The following PCDH7 variants were observed in gnomAD, a reference collection of about 807,000 sequenced individuals.
PCDH7 encodes the protein protocadherin 7, also known as protocadherin-7.
Under a neutral mutation model 58.9 loss-of-function variants are expected in PCDH7, and 17 were observed. The observed-to-expected ratio is 0.29, with a 90% CI of 0.20 to 0.43. PCDH7 has a LOEUF of 0.43. Among genes scored for constraint, PCDH7 ranks in the 20% least tolerant of loss-of-function variants. The pLI is 1.00. For synonymous variants in PCDH7, 664 were observed against 616.4 expected (o/e 1.08, Z -1.14); for missense variants, 1,274 against 1,441.0 (o/e 0.88, Z 1.88).
chr4:30,913,028 A>T (rs1327762049), intron 1 of PCDH7, among the ~76,000 whole-genome samples: 1 of 150,854 alleles, frequency 6.6e-6, no homozygotes, highest in African/African-American at 2.4e-5. Context: ...TTATATATAT[A>T]TTTGTTAATA....
At chr4:30,857,713 A>T (rs769665855) in intron 1 of PCDH7, among the ~76,000 whole-genome samples, 1 of 152,106 alleles carries the variant, frequency 6.6e-6, no homozygotes, top group Non-Finnish European at 1.5e-5. Context: ...CCTCTACCTC[A>T]TACTGACCTT....
intron 2 of PCDH7, among the ~76,000 whole-genome samples, chr4:30,923,951 A>G (rs1399113246): frequency 6.6e-6 from 1 of 152,198 alleles, no homozygotes; most frequent in Non-Finnish European, 1.5e-5. Context: ...ATTGATGCAT[A>G]TTGCAATGGA....
At chr4:30,968,132 T>C (rs1749154800) in intron 3 of PCDH7, among the ~76,000 whole-genome samples, 1 of 151,700 alleles carries the variant, frequency 6.6e-6, no homozygotes, top group African/African-American at 2.4e-5. Flanking sequence ...CTGTTACTCC[T>C]TGACTTTATT....
At chr4:30,888,508 T>C (rs1274037727) in intron 1 of PCDH7, among the ~76,000 whole-genome samples, 1 of 152,224 alleles carries the variant, frequency 6.6e-6, no homozygotes, top group East Asian at 1.9e-4. Flanking sequence ...TTTTATCATG[T>C]ATGGAACTTA....
intron 3 of PCDH7, among the ~76,000 whole-genome samples, chr4:31,007,817 G>A (rs1051745798): frequency 6.6e-6 from 1 of 152,068 alleles, no homozygotes; most frequent in Non-Finnish European, 1.5e-5. Flanking sequence ...TTTAGTATAT[G>A]ACCTCAGGAT....
Position 30,723,145 on chromosome 4 carries a change from G to T in PCDH7, c.1723G>T (p.Asp575Tyr). 1 of 1,614,096 alleles carries T rather than the reference G, an allele frequency of 6.2e-7. No homozygotes were observed. The highest frequency in any genetic ancestry group is 8.5e-7 in the Non-Finnish European group (1 of 1,180,038). Residue 575 changes from aspartate to tyrosine, a missense_variant, in exon 1 of 2, where the codon GAC becomes TAC. By Grantham distance (160) the Asp-to-Tyr change is radical (BLOSUM62 -3). Around this residue, in one of 3 missense-constraint regions of PCDH7, gnomAD observed 731 missense variants for 881.9 expected, o/e 0.83. Transcript: ENST00000361762. This position sits in a 1 kb window ranked among gnomAD's most constrained non-coding sequence, Gnocchi z 4.6. Reference sequence around the variant, plus strand: ...GAACGCCGAGATCGCCTACTCGCTGGACTCCTCTGTGATGGGGATCTTTGC... The same window carrying T: ...GAACGCCGAGATCGCCTACTCGCTGTACTCCTCTGTGATGGGGATCTTTGC...
At chr4:30,792,483 T>G (rs956557972) in intron 1 of PCDH7, among the ~76,000 whole-genome samples, 3 of 152,346 alleles carry the variant, frequency 2.0e-5, no homozygotes, top group East Asian at 3.9e-4. Context: ...ACTCTATTTT[T>G]ATGGATGTTA....
At chr4:30,964,245 TATTTA>T (rs1560538355) in intron 3 of PCDH7, among the ~76,000 whole-genome samples, 10 of 96,526 alleles carry the variant, frequency 1.0e-4, no homozygotes, top group Non-Finnish European at 1.3e-4. Context: ...TTTATTTATT[TATTTA>T]TTTTTTTTTG....
chr4:31,060,983 C>T (rs1333108527), intron 3 of PCDH7, among the ~76,000 whole-genome samples: 1 of 151,548 alleles, frequency 6.6e-6, no homozygotes, highest in Non-Finnish European at 1.5e-5. Flanking sequence ...CAAATTTATG[C>T]CATTTATAAG....
intron 3 of PCDH7, among the ~76,000 whole-genome samples, chr4:31,071,335 T>C (rs1578715247): frequency 6.6e-6 from 1 of 152,078 alleles, no homozygotes; most frequent in Non-Finnish European, 1.5e-5. Context: ...GTGTGTCTGT[T>C]GTTTACAAAC....
At chr4:30,760,708 A>C (rs6845219) in intron 1 of PCDH7, among the ~76,000 whole-genome samples, 45,384 of 151,994 alleles carry the variant, frequency 0.3, 7,124 homozygotes, top group African/African-American at 0.32. Context: ...TCATTATGCC[A>C]TGTCATTTCC....
At chr4:30,769,008 T>C (rs1721075522) in intron 1 of PCDH7, among the ~76,000 whole-genome samples, 2 of 152,234 alleles carry the variant, frequency 1.3e-5, no homozygotes, top group African/African-American at 4.8e-5. Flanking sequence ...GTGTTTCCAC[T>C]TCCATACACT....
Position 31,133,674 on chromosome 4 carries a change from A to T in PCDH7, c.*8-8799A>T, listed in dbSNP as rs370255860. 2.2e-4 allele frequency among the ~76,000 whole-genome samples: 33 copies of T among 152,308 alleles called. No individual in the cohort carries two copies. In the South Asian group the frequency reaches 6.8e-3, roughly 32 times the overall value. On this transcript the variant is annotated intron_variant, in intron 3 of 3. Coordinates refer to the PCDH7 transcript ENST00000509759. ...AAGTGAAGCCACATCTCTGATGTGC[A>T]TAAATTGATCGCTCCTAAGCAGTCC...
At chr4:30,745,318 A>G (rs182212581) in intron 1 of PCDH7, among the ~76,000 whole-genome samples, 5,609 of 150,582 alleles carry the variant, frequency 0.037, 285 homozygotes, top group African/African-American at 0.1. Context: ...AATTATAATG[A>G]CTTTTTTTCT....
intron 3 of PCDH7, among the ~76,000 whole-genome samples, chr4:30,978,638 T>C (rs2109106789): frequency 6.6e-6 from 1 of 152,314 alleles, no homozygotes; most frequent in Admixed American, 6.5e-5. Context: ...GGAATGATAG[T>C]ATTTTAAAAG....
chr4:30,747,137 G>A (rs552502885), intron 1 of PCDH7, among the ~76,000 whole-genome samples: 1 of 152,256 alleles, frequency 6.6e-6, no homozygotes, highest in East Asian at 1.9e-4. Flanking sequence ...GAAACAACCT[G>A]TATGTTGTTA....
rs1749266772 is a variant in PCDH7, at chr4:30,968,636, AT to A, written c.*7+18423del. On this transcript the variant is annotated intron_variant, in intron 3 of 3. Coordinates refer to the PCDH7 transcript ENST00000509759. Reference sequence around the variant, plus strand: ...TATTTTAATCATTGAATTTTGAAAGATTAATTCAGTTCACTTGCCAGTTATT... The same window carrying A: ...TATTTTAATCATTGAATTTTGAAAGATAATTCAGTTCACTTGCCAGTTATT... Among the ~76,000 whole-genome samples the A allele has an allele frequency of 8.5e-5, 13 of 152,086 alleles. 1 individual carries two copies. In the South Asian group the frequency reaches 2.7e-3, roughly 32 times the overall value.
chr4:30,782,625 A>G (rs1019866319), intron 1 of PCDH7, among the ~76,000 whole-genome samples: 3 of 152,236 alleles, frequency 2.0e-5, no homozygotes, highest in Non-Finnish European at 4.4e-5. Flanking sequence ...GTTTTCCATG[A>G]CATGGGAGCC....
intron 3 of PCDH7, among the ~76,000 whole-genome samples, chr4:31,055,347 T>G (rs116487876): frequency 0.011 from 1,656 of 152,232 alleles, 35 homozygotes; most frequent in African/African-American, 0.038. Flanking sequence ...GTTAAAATTT[T>G]TGAAAAACGA....
Sources: allele counts gnomAD v4.1 joint callset (sites outside exome capture counted in the v4.1 genomes callset), GRCh38; gene constraint gnomAD v4.1.1; regional missense constraint gnomAD v4.1.1; non-coding constraint Gnocchi (gnomAD v3.1); transcripts MANE v1.5; gene names NCBI Gene and HGNC (gene_info 2026-07-23, HGNC 2026-07-21).